Variants in PDE1C observed in about 807,000 individuals in gnomAD.
The protein encoded by PDE1C is dual specificity calcium/calmodulin-dependent 3',5'-cyclic nucleotide phosphodiesterase 1C.
In PDE1C, 62 loss-of-function variants were observed where a neutral mutation model predicts 93.1. The observed-to-expected ratio is 0.67, with a 90% CI of 0.54 to 0.82. The LOEUF (loss-of-function observed/expected upper bound fraction) is 0.82, where lower values mean the gene tolerates loss of function less well. Among genes scored for constraint, PDE1C ranks in the 40% least tolerant of loss-of-function variants. The pLI is 0.00. For missense variants in PDE1C, 742 were observed against 884.6 expected, an observed-to-expected ratio of 0.84 and a Z score of 2.04; for synonymous variants, 325 against 310.1, an observed-to-expected ratio of 1.05 and a Z score of -0.50.
At chr7:31,667,546 C>T in the PDE1C span, among the ~76,000 whole-genome samples, 1 of 151,940 alleles carries the variant, frequency 6.6e-6, no homozygotes, top group South Asian at 2.1e-4. Context: ...GGGGTAGGGT[C>T]ACAACAGGCA....
intron 3 of PDE1C, among the ~76,000 whole-genome samples, chr7:32,123,098 A>G (rs1799387890): frequency 6.6e-6 from 1 of 152,202 alleles, no homozygotes; most frequent in Admixed American, 6.5e-5. Context: ...ACACAAATAA[A>G]CTAGAAAATC....
intron 1 of PDE1C, among the ~76,000 whole-genome samples, chr7:32,420,114 T>TATATATAC (rs1310285147): frequency 3.7e-5 from 1 of 27,280 alleles, no homozygotes; most frequent in African/African-American, 1.1e-4. Context: ...TATATATATA[T>TATATATAC]ATATATATAT....
At chr7:31,760,694 T>G (rs547821774) in intron 17 of PDE1C, among the ~76,000 whole-genome samples, 12 of 151,546 alleles carry the variant, frequency 7.9e-5, no homozygotes, top group Admixed American at 2.0e-4. Context: ...CTTTCAAACA[T>G]AATGCTATGA....
intron 16 of PDE1C, among the ~76,000 whole-genome samples, chr7:31,780,665 C>T (rs1436983152): frequency 6.6e-6 from 1 of 152,174 alleles, no homozygotes; most frequent in Non-Finnish European, 1.5e-5. Flanking sequence ...AATGTCAGGA[C>T]AATAATTGCG....
At chr7:31,815,587 T>C (rs1298987261) in intron 15 of PDE1C, among the ~76,000 whole-genome samples, 2 of 152,018 alleles carry the variant, frequency 1.3e-5, no homozygotes, top group Admixed American at 6.6e-5. Flanking sequence ...TATGGGAAAA[T>C]GACTTTCCAT....
chr7:31,895,580 TTCTCTCTC>T (rs60958547), intron 2 of PDE1C, among the ~76,000 whole-genome samples: 8 of 144,814 alleles, frequency 5.5e-5, no homozygotes, highest in Admixed American at 2.7e-4. Context: ...TTTCTCTCTT[TTCTCTCTC>T]TCTCTCTCTC....
intron 16 of PDE1C, among the ~76,000 whole-genome samples, chr7:31,807,116 T>C (rs1475116772): frequency 6.6e-6 from 1 of 151,892 alleles, no homozygotes; most frequent in Non-Finnish European, 1.5e-5. Context: ...GTTCTATTGA[T>C]ACCAAAGCAG....
chr7:32,376,774 G>A (rs1199618100), intron 1 of PDE1C, among the ~76,000 whole-genome samples: 1 of 152,016 alleles, frequency 6.6e-6, no homozygotes, highest in Non-Finnish European at 1.5e-5. Flanking sequence ...TGCAAGCTCC[G>A]CCTCCCAGGT....
intron 3 of PDE1C, among the ~76,000 whole-genome samples, chr7:32,118,340 A>G (rs1375872977): frequency 3.3e-5 from 5 of 152,234 alleles, no homozygotes; most frequent in Admixed American, 6.5e-5. Flanking sequence ...TCAAGAATAT[A>G]TAAGTGCTAA....
chr7:32,019,570 A>G (rs954270168), intron 2 of PDE1C, among the ~76,000 whole-genome samples: 3 of 152,162 alleles, frequency 2.0e-5, no homozygotes, highest in African/African-American at 7.2e-5. Flanking sequence ...ACAGCTACAT[A>G]TGACTTGAAG....
intron 1 of PDE1C, among the ~76,000 whole-genome samples, chr7:32,271,734 A>T (rs560690296): frequency 4.6e-5 from 7 of 152,168 alleles, no homozygotes; most frequent in Admixed American, 1.3e-4. Flanking sequence ...CCACATTATG[A>T]TAATAATAAT....
intron 3 of PDE1C, among the ~76,000 whole-genome samples, chr7:32,080,429 G>A (rs1796593320): frequency 1.3e-5 from 2 of 152,132 alleles, no homozygotes; most frequent in Non-Finnish European, 1.5e-5. Context: ...TATACTCAAA[G>A]AGCAAACCTC....
chr7:32,076,857 T>C (rs1796385923), intron 3 of PDE1C, among the ~76,000 whole-genome samples: 2 of 151,756 alleles, frequency 1.3e-5, no homozygotes, highest in South Asian at 4.2e-4. Context: ...TTAAACTAGT[T>C]TGAGTCAGAG....
upstream of PDE1C, among the ~76,000 whole-genome samples, chr7:32,071,618 G>C (rs953149198): frequency 6.6e-6 from 1 of 152,156 alleles, no homozygotes; most frequent in African/African-American, 2.4e-5. Context: ...CCTGGGTGCT[G>C]GCTGGGCGGC....
chr7:31,875,793 C>CTATATATATATATATATATATATA (rs71559206), intron 5 of PDE1C, among the ~76,000 whole-genome samples: 1 of 43,110 alleles, frequency 2.3e-5, no homozygotes, highest in Non-Finnish European at 5.9e-5. Context: ...AAGCTTACAT[C>CTATATATATATATATATATATATA]TATATATATA....
At chr7:31,727,652 A>AAT in the PDE1C span, among the ~76,000 whole-genome samples, 1 of 152,236 alleles carries the variant, frequency 6.6e-6, no homozygotes, top group Non-Finnish European at 1.5e-5. Flanking sequence ...ATAACTATCT[A>AAT]ATATCAGGTT....
intron 1 of PDE1C, among the ~76,000 whole-genome samples, chr7:32,360,601 C>A (rs1252694312): frequency 6.6e-6 from 1 of 152,160 alleles, no homozygotes; most frequent in Non-Finnish European, 1.5e-5. Flanking sequence ...GGTGGGATGG[C>A]ACAGGGCTCC....
chr7:31,828,004 C>T (rs1789908251), intron 12 of PDE1C, among the ~76,000 whole-genome samples: 1 of 152,084 alleles, frequency 6.6e-6, no homozygotes, highest in Admixed American at 6.6e-5. Flanking sequence ...AATGGGCTTC[C>T]TGCCAATGAC....
chr7:31,733,021 A>G, the PDE1C span, among the ~76,000 whole-genome samples: 1 of 152,228 alleles, frequency 6.6e-6, no homozygotes, highest in Non-Finnish European at 1.5e-5. Context: ...GGTTGTTCCA[A>G]TGAAAGAAAA....
Sources: gnomAD v4.1 joint callset for allele counts (sites outside exome capture counted in the v4.1 genomes callset) on GRCh38, gnomAD v4.1.1 for gene constraint, MANE v1.5 for transcripts, NCBI Gene and HGNC (gene_info 2026-07-23, HGNC 2026-07-21) for gene names.